The following STAB2 variants were observed in gnomAD, a reference collection of about 807,000 sequenced individuals.
STAB2 encodes stabilin 2.
A neutral mutation model predicts 338.1 loss-of-function variants in STAB2; 288 were observed. The observed-to-expected ratio is 0.85, with a 90% confidence interval of 0.77 to 0.94. The LOEUF (loss-of-function observed/expected upper bound fraction) is 0.94, where lower values mean the gene tolerates loss of function less well. STAB2 is among the 40% of genes least tolerant of loss of function. STAB2 has a pLI of 0.00. For missense variants in STAB2, 3,141 were observed against 3,210.1 expected, an observed-to-expected ratio of 0.98 and a Z score of 0.52; for synonymous variants, 1,202 against 1,193.3, an observed-to-expected ratio of 1.01 and a Z score of -0.15.
intron 18 of STAB2, among the ~76,000 whole-genome samples, chr12:103,663,623 C>T (rs188611579): frequency 6.6e-5 from 10 of 152,292 alleles, no homozygotes; most frequent in Admixed American, 5.9e-4. Flanking sequence ...GCTGGGATTA[C>T]AGGCCTGAGC....
chr12:103,720,111 TAAA>T (rs1448897424), intron 44 of STAB2, among the ~76,000 whole-genome samples: 1 of 152,188 alleles, frequency 6.6e-6, no homozygotes, highest in African/African-American at 2.4e-5. Context: ...GTAAGGATAA[TAAA>T]GAAGAAGCTA....
intron 10 of STAB2, 77 bp downstream of exon 10, chr12:103,648,900 G>T (rs1348212334): frequency 6.4e-7 from 1 of 1,561,182 alleles, no homozygotes; most frequent in Non-Finnish European, 8.7e-7. Flanking sequence ...CAATGATTCA[G>T]AAAGGGACAG....
intron 34 of STAB2, among the ~76,000 whole-genome samples, chr12:103,702,015 CA>C (rs1878921036): frequency 7.0e-6 from 1 of 141,952 alleles, no homozygotes; most frequent in Admixed American, 7.0e-5. Flanking sequence ...CACACACACA[CA>C]CACACACCCC....
At chr12:103,607,543 C>A (rs1322210971) in intron 3 of STAB2, among the ~76,000 whole-genome samples, 1 of 151,990 alleles carries the variant, frequency 6.6e-6, no homozygotes, top group African/African-American at 2.4e-5. Context: ...CTCCTCCCCC[C>A]ACCCCACAAC....
intron 57 of STAB2, 81 bp downstream of exon 57, chr12:103,745,358 T>C: frequency 7.8e-7 from 1 of 1,278,926 alleles, no homozygotes; most frequent in Non-Finnish European, 1.1e-6. Context: ...AGGTTGGGAG[T>C]CTGAGTGACA....
Position 103,668,661 on chromosome 12 carries a change from TGTGTCTACAGTGGCAG to T in STAB2, c.2107_2122del (p.Val703LeufsTer4). 6.4e-7 allele frequency: 1 copy of T among 1,552,088 alleles called. No homozygotes were observed. The highest frequency in any genetic ancestry group is 8.7e-7 in the Non-Finnish European group (1 of 1,147,200). Reference sequence around the variant, plus strand: ...TCTCCAGGCACTCTTCACACACAGATGTGTCTACAGTGGCAGGTTTGGGAGCCTGAAGAGCGGCTGT... The same window carrying T: ...TCTCCAGGCACTCTTCACACACAGATGTTTGGGAGCCTGAAGAGCGGCTGT... On this transcript the variant is annotated frameshift_variant, in exon 20 of 69. Coordinates refer to ENST00000388887, the MANE Select transcript of STAB2 (RefSeq NM_017564.10). LOFTEE classifies it high-confidence loss of function.
At chr12:103,725,614 TTG>T (rs922733844) in intron 45 of STAB2, among the ~76,000 whole-genome samples, 28 of 151,436 alleles carry the variant, frequency 1.8e-4, no homozygotes, top group South Asian at 4.2e-4. Context: ...GTGTGTGTGC[TTG>T]TGTGTGCATG....
chr12:103,679,749 G>A (rs1419480958), intron 25 of STAB2, among the ~76,000 whole-genome samples: 2 of 152,122 alleles, frequency 1.3e-5, no homozygotes, highest in East Asian at 1.9e-4. Flanking sequence ...AATGGAATAA[G>A]CATATGCTCT....
Position 103,690,050 on chromosome 12 carries a change from C to A in STAB2, c.3182+68C>A. The A allele has an allele frequency of 1.9e-6, 3 of 1,555,026 alleles. No homozygotes were observed. In the South Asian group the frequency reaches 3.7e-5, roughly 19 times the overall value. On this transcript the variant is annotated intron_variant, in intron 29 of 68. Coordinates refer to ENST00000388887, the MANE Select transcript of STAB2 (RefSeq NM_017564.10). ...TCTGTGTAAACATGTCTTTGAAGTT[C>A]AATGTAGGAAAACCACATGGTCCTT...
chr12:103,704,681 C>A, intron 36 of STAB2, 67 bp downstream of exon 36: 1 of 1,412,022 alleles, frequency 7.1e-7, no homozygotes, highest in Non-Finnish European at 9.9e-7. Context: ...GAAAATGAAC[C>A]TCAAGATTAT....
At chr12:103,652,460 T>C in intron 11 of STAB2, 96 bp from the exon 12 acceptor site, 4 of 1,228,946 alleles carry the variant, frequency 3.3e-6, no homozygotes, top group Non-Finnish European at 4.4e-6. Flanking sequence ...TAGGGTGCCC[T>C]GGCTTTGATG....
chr12:103,605,157 T>C (rs1166492651), intron 3 of STAB2, among the ~76,000 whole-genome samples: 3 of 151,972 alleles, frequency 2.0e-5, no homozygotes, highest in Non-Finnish European at 4.4e-5. Flanking sequence ...TCACATATAT[T>C]CCTGCTATTG....
chr12:103,625,199 A>G (rs539600985), intron 5 of STAB2, among the ~76,000 whole-genome samples: 1 of 152,350 alleles, frequency 6.6e-6, no homozygotes, highest in Admixed American at 6.5e-5. Flanking sequence ...ATGACAAATT[A>G]GGAAGAAGAC....
At chr12:103,629,121 A>C (rs1248814663) in intron 5 of STAB2, among the ~76,000 whole-genome samples, 1 of 152,234 alleles carries the variant, frequency 6.6e-6, no homozygotes, top group Non-Finnish European at 1.5e-5. Flanking sequence ...ACACAGATTG[A>C]GAAAGAAAAC....
chr12:103,709,522 G>A (rs967168669), intron 39 of STAB2, among the ~76,000 whole-genome samples: 5 of 152,190 alleles, frequency 3.3e-5, no homozygotes, highest in East Asian at 1.9e-4. Flanking sequence ...CCCCTCTTCC[G>A]GGTTGGGAGC....
intron 19 of STAB2, among the ~76,000 whole-genome samples, chr12:103,667,352 C>T (rs1028019980): frequency 2.0e-5 from 3 of 152,132 alleles, no homozygotes; most frequent in Non-Finnish European, 2.9e-5. Context: ...AGACATTGTT[C>T]TAAATGCTTT....
rs1956724781 is a variant in STAB2, at chr12:103,587,311, G to T, written c.-166G>T. 4.8e-6 allele frequency: 3 copies of T among 620,124 alleles called. No individual in the cohort carries two copies. Among genetic ancestry groups the T allele is most frequent in the African/African-American group, 3.7e-5 (2 of 53,784 alleles). The allele number at this position is 620,124 out of a possible 1,614,324, so 38.4% of individuals were successfully genotyped here. Reference sequence around the variant, plus strand: ...GATTTGCCATTTTTCCTTTCTGAAGGCAGGTCTCACCTATCTCCTGGTTCG... The same window carrying T: ...GATTTGCCATTTTTCCTTTCTGAAGTCAGGTCTCACCTATCTCCTGGTTCG... On this transcript the variant is annotated 5_prime_UTR_variant, in exon 1 of 69. Coordinates refer to ENST00000388887, the MANE Select transcript of STAB2 (RefSeq NM_017564.10).
chr12:103,675,356 A>G (rs936082863), intron 23 of STAB2, among the ~76,000 whole-genome samples: 9 of 152,182 alleles, frequency 5.9e-5, no homozygotes, highest in African/African-American at 1.7e-4. Context: ...GCACTTGAAA[A>G]TGTGGTGTTG....
chr12:103,637,915 T>G, intron 7 of STAB2, 101 bp from the exon 8 acceptor site: 26 of 1,202,084 alleles, frequency 2.2e-5, no homozygotes, highest in Non-Finnish European at 2.5e-5. Flanking sequence ...TTGAAAACTG[T>G]GAGTTGCCTT....
Sources: allele counts gnomAD v4.1 joint callset (sites outside exome capture counted in the v4.1 genomes callset), GRCh38; gene constraint gnomAD v4.1.1; transcripts MANE v1.5; gene names NCBI Gene and HGNC (gene_info 2026-07-23, HGNC 2026-07-21).